Variants in PCLO observed in about 807,000 individuals in gnomAD.
PCLO encodes the protein protein piccolo.
In PCLO, 82 loss-of-function variants were observed where a neutral mutation model predicts 427.5. The observed-to-expected ratio is 0.19, with a 90% CI of 0.16 to 0.23. The LOEUF (loss-of-function observed/expected upper bound fraction) is 0.23, where lower values mean the gene tolerates loss of function less well. Ranked by LOEUF, PCLO falls within the 10% of genes least tolerant of loss-of-function variation. The pLI is 1.00. For synonymous variants in PCLO, 2,357 were observed against 2,155.4 expected (o/e 1.09, Z -2.59); for missense variants, 6,239 against 6,115.9 (o/e 1.02, Z -0.67).
chr7:83,117,792 A>G (rs1791171177), intron 3 of PCLO, among the ~76,000 whole-genome samples: 1 of 152,238 alleles, frequency 6.6e-6, no homozygotes, highest in South Asian at 2.1e-4. Context: ...TCATGTCTAC[A>G]GTTGGATTCT....
At position 82,955,232 on chromosome 7, in the gene PCLO, G is replaced by T; in HGVS notation, c.5721C>A (p.Ser1907Arg). The T allele has an allele frequency of 5.0e-6, 8 of 1,613,630 alleles. No individual in the cohort carries two copies. The highest frequency in any genetic ancestry group is 6.8e-6 in the Non-Finnish European group (8 of 1,179,768). ...DEQSIMQKEG[S>R]QKALKSAEEM... ...CCTCAGCACTTTTTAACGCCTTTTGGCTACCTTCTTTCTGCATAATAGATT... is the reference window on the plus strand; with the variant it reads ...CCTCAGCACTTTTTAACGCCTTTTGTCTACCTTCTTTCTGCATAATAGATT... Residue 1907 changes from serine to arginine, a missense_variant, in exon 5 of 25, where the codon AGC (serine) becomes AGA (arginine). Ser to Arg is a moderately radical substitution (Grantham distance 110). Coordinates refer to ENST00000333891, the MANE Select transcript of PCLO (RefSeq NM_033026.6).
rs190336963 is a variant in PCLO at position 82,892,108 on chromosome 7, C to T, written c.13528+10543G>A. ...GTTCATATGGAACCAAAAAAGAGCC[C>T]GCATAGCCAAGTCAATCCTAAGCCA... On this transcript the variant is annotated intron_variant, in intron 9 of 24. Transcript: ENST00000333891. 9.1e-4 allele frequency among the ~76,000 whole-genome samples: 139 copies of T among 152,078 alleles called. 1 individual carries two copies. Among genetic ancestry groups the T allele is most frequent in the African/African-American group, 2.9e-3 (121 of 41,500 alleles).
chr7:82,925,916 A>G (rs559067422), intron 6 of PCLO, among the ~76,000 whole-genome samples: 2 of 151,544 alleles, frequency 1.3e-5, no homozygotes, highest in Non-Finnish European at 2.9e-5. Context: ...ACGGGGTCCC[A>G]CTATGTTGCC....
chr7:82,761,083 A>T (rs756708677), intron 23 of PCLO, among the ~76,000 whole-genome samples: 3 of 149,874 alleles, frequency 2.0e-5, no homozygotes, highest in Non-Finnish European at 4.4e-5. Context: ...ACATAGAGGG[A>T]CTACAGGCAG....
chr7:83,152,234 G>A (rs984473481), intron 2 of PCLO, among the ~76,000 whole-genome samples: 2 of 152,126 alleles, frequency 1.3e-5, no homozygotes, highest in Non-Finnish European at 2.9e-5. Flanking sequence ...AAAGTGCTGG[G>A]ATTACAGGCA....
rs1036344415 is a variant in PCLO at position 82,946,686 on chromosome 7, G to C, written c.11112+2790C>G. Reference sequence around the variant, plus strand: ...CGGAGCAGAGTGAGGAGGGGAGAAAGTCTGGAGAGTGATCAATGAGGTCAT... The same window carrying C: ...CGGAGCAGAGTGAGGAGGGGAGAAACTCTGGAGAGTGATCAATGAGGTCAT... On this transcript the variant is annotated intron_variant, in intron 6 of 24. Transcript: ENST00000333891. Among the ~76,000 whole-genome samples, 6 of 152,254 alleles carry C rather than the reference G, an allele frequency of 3.9e-5. No homozygotes were observed. The East Asian group carries it at 1.2e-3, about 29-fold the overall frequency.
rs771510093 is a variant in PCLO, at chr7:82,916,273, G to C, written c.11713C>G (p.Gln3905Glu). Reference protein sequence around the residue: ...LPTQAPTSYTQQSHFEQQTLY... With the variant: ...LPTQAPTSYTEQSHFEQQTLY... ...GTTTGTTGCTCAAAATGAGACTGTT[G>C]AGTGTATGAGGTGGGTGCTTGGGTA... is the stretch of plus-strand genomic sequence containing the variant. Residue 3905 changes from glutamine (Q) to glutamate (E), a missense_variant, in exon 7 of 25, where the codon CAA becomes GAA. By Grantham distance (29) the Gln-to-Glu change is conservative. This residue lies in a region of PCLO where 680 missense variants were observed against 677.3 expected (regional missense o/e 1.00). Coordinates refer to ENST00000333891, the MANE Select transcript of PCLO (RefSeq NM_033026.6). 9.3e-6 allele frequency: 15 copies of C among 1,613,534 alleles called. No individual in the cohort carries two copies. The highest frequency in any genetic ancestry group is 1.6e-4 in the Middle Eastern group (1 of 6,080).
chr7:82,971,797 C>T (rs1795913513), intron 3 of PCLO, among the ~76,000 whole-genome samples: 1 of 149,052 alleles, frequency 6.7e-6, no homozygotes, highest in Admixed American at 6.7e-5. Flanking sequence ...ACTGAGTTTA[C>T]TACATAAAAA....
At chr7:82,932,651 G>A (rs1037537555) in intron 6 of PCLO, among the ~76,000 whole-genome samples, 2 of 152,058 alleles carry the variant, frequency 1.3e-5, no homozygotes, top group Non-Finnish European at 2.9e-5. Flanking sequence ...AACTGGGTGT[G>A]GGATCATCAT....
At chr7:82,972,897 T>C (rs1039535445) in intron 3 of PCLO, among the ~76,000 whole-genome samples, 12 of 152,110 alleles carry the variant, frequency 7.9e-5, no homozygotes, top group Non-Finnish European at 1.5e-4. Context: ...AATACACCAA[T>C]TGGGGAGCAA....
Position 82,933,570 on chromosome 7 carries a change from AT to A in PCLO, c.11112+15905del, listed in dbSNP as rs899950376. On this transcript the variant is annotated intron_variant, in intron 6 of 24. Transcript: ENST00000333891. ...TCACTGGCATTGAGTGGTCCAGTCC[AT>A]TTTTTTTTTAATATTCCTGATATAT... Among the ~76,000 whole-genome samples the A allele has an allele frequency of 8.5e-4, 126 of 148,702 alleles. 1 individual carries two copies. Among genetic ancestry groups the A allele is most frequent in the Admixed American group, 1.5e-3 (23 of 14,844 alleles).
chr7:83,021,952 A>G (rs1158558096), intron 3 of PCLO, among the ~76,000 whole-genome samples: 1 of 152,236 alleles, frequency 6.6e-6, no homozygotes, highest in African/African-American at 2.4e-5. Context: ...ATAAAATTAT[A>G]TAAACAAATT....
chr7:83,147,646 A>G (rs1792028782), intron 2 of PCLO, among the ~76,000 whole-genome samples: 3 of 152,236 alleles, frequency 2.0e-5, no homozygotes, highest in Non-Finnish European at 4.4e-5. Context: ...CCAAGGCTGA[A>G]GATGTAAAAA....
intron 3 of PCLO, among the ~76,000 whole-genome samples, chr7:83,042,792 G>GC (rs1234856725): frequency 1.3e-5 from 2 of 152,252 alleles, no homozygotes; most frequent in East Asian, 3.9e-4. Context: ...AACCCGGGAG[G>GC]CGGAGGTTGC....
chr7:82,781,456 A>AC (rs905276538), intron 22 of PCLO, among the ~76,000 whole-genome samples: 2 of 69,004 alleles, frequency 2.9e-5, no homozygotes, highest in Non-Finnish European at 6.2e-5. Context: ...TTGCCCCCCC[A>AC]CCCCCCAACA....
intron 1 of PCLO, among the ~76,000 whole-genome samples, chr7:83,162,086 A>C (rs4341113): frequency 0.59 from 89,304 of 152,078 alleles, 26,988 homozygotes; most frequent in Middle Eastern, 0.7. Flanking sequence ...GGGAAGGGCT[A>C]CAAAAGGCCA....
At position 82,758,478 on chromosome 7, in the gene PCLO, T is replaced by G; in HGVS notation, c.*97A>C. 1.0e-6 allele frequency: 1 copy of G among 954,374 alleles called. No homozygotes were observed. The highest frequency in any genetic ancestry group is 1.5e-6 in the Non-Finnish European group (1 of 657,072). 59.1% of individuals were successfully genotyped at this position (954,374 alleles called of 1,614,324 possible). A position where few individuals can be genotyped will look rare whatever the true frequency, so the allele number is the denominator to read the frequency against. ...TGCTTGTTGTTCCCACTCTTATGTT[T>G]GCCTCTCAAAACTTAGCTTTGTACA... On this transcript the variant is annotated 3_prime_UTR_variant, in exon 25 of 25. Transcript: ENST00000333891.
chr7:82,916,805 T>A lies in PCLO; in HGVS notation c.11181A>T (p.Pro3727=). Residue 3727 remains proline, a synonymous_variant, in exon 7 of 25, where the codon CCA becomes CCT. Transcript: ENST00000333891. ...QKKVKRTLPN[P]PPEEISTGTQ... ...TTCCTGTGGAAATCTCCTCAGGAGG[T>A]GGATTTGGCAGAGTTCTTTTAACTT... 6.2e-7 allele frequency: 1 copy of A among 1,613,568 alleles called. No homozygotes were observed. The highest frequency in any genetic ancestry group is 8.5e-7 in the Non-Finnish European group (1 of 1,179,616).
intron 3 of PCLO, among the ~76,000 whole-genome samples, chr7:83,025,270 G>C (rs2116090053): frequency 1.3e-5 from 2 of 151,938 alleles, no homozygotes; most frequent in African/African-American, 4.8e-5. Flanking sequence ...GGAGCTGATG[G>C]AGCTGAAAAC....
Sources: allele counts gnomAD v4.1 joint callset (sites outside exome capture counted in the v4.1 genomes callset), GRCh38; gene constraint gnomAD v4.1.1; regional missense constraint gnomAD v4.1.1; transcripts MANE v1.5; gene names NCBI Gene and HGNC (gene_info 2026-07-23, HGNC 2026-07-21).